FHIT: variants seen among roughly 807,000 people sequenced by gnomAD.
The protein encoded by FHIT is bis(5'-adenosyl)-triphosphatase.
A neutral mutation model predicts 17.9 loss-of-function variants in FHIT; 19 were observed. The ratio of observed to expected loss-of-function variants is 1.06; its 90% CI spans 0.74 to 1.56. The LOEUF (loss-of-function observed/expected upper bound fraction) is 1.56. Among genes scored for constraint, FHIT ranks in the 40% most tolerant of loss-of-function variants. FHIT has a pLI of 0.00. For missense variants in FHIT, 248 were observed against 189.2 expected (o/e 1.31, Z -1.82); for synonymous variants, 81 against 69.7 (o/e 1.16, Z -0.81).
chr3:60,385,930 C>T (rs1040408340), intron 5 of FHIT, among the ~76,000 whole-genome samples: 5 of 152,040 alleles, frequency 3.3e-5, no homozygotes, highest in Non-Finnish European at 7.4e-5. Context: ...CCTGGGGAAT[C>T]GATGTCAAAA....
At chr3:59,947,300 G>C (rs780534298) in intron 7 of FHIT, among the ~76,000 whole-genome samples, 1 of 152,168 alleles carries the variant, frequency 6.6e-6, no homozygotes, top group Non-Finnish European at 1.5e-5. Flanking sequence ...TGTGTGCATA[G>C]AAGTAGTAGT....
chr3:60,484,761 C>T (rs1813833), intron 5 of FHIT, among the ~76,000 whole-genome samples: 11,715 of 152,114 alleles, frequency 0.077, 622 homozygotes, highest in African/African-American at 0.15. Flanking sequence ...GACTTCATGA[C>T]GAAAATGCCA....
chr3:60,745,746 C>T (rs2042343672), intron 4 of FHIT, among the ~76,000 whole-genome samples: 1 of 152,076 alleles, frequency 6.6e-6, no homozygotes, highest in African/African-American at 2.4e-5. Context: ...CCCAATATAC[C>T]AGAGTCATCC....
chr3:60,036,298 CT>C (rs1343838746), intron 5 of FHIT, among the ~76,000 whole-genome samples: 1 of 152,182 alleles, frequency 6.6e-6, no homozygotes, highest in Non-Finnish European at 1.5e-5. Context: ...AACCACAGTC[CT>C]TCCTGCTAAA....
chr3:60,609,124 A>T (rs2038701060), intron 4 of FHIT, among the ~76,000 whole-genome samples: 1 of 151,474 alleles, frequency 6.6e-6, no homozygotes, highest in Non-Finnish European at 1.5e-5. Context: ...CACTTTGGGG[A>T]TTGATGCATG....
intron 3 of FHIT, among the ~76,000 whole-genome samples, chr3:60,930,368 G>A (rs1264778152): frequency 1.3e-5 from 2 of 152,110 alleles, no homozygotes; most frequent in African/African-American, 4.8e-5. Context: ...TGACAAATGG[G>A]ATCTAATTAA....
chr3:61,177,281 C>A (rs1266036252), intron 2 of FHIT, among the ~76,000 whole-genome samples: 3 of 151,882 alleles, frequency 2.0e-5, no homozygotes, highest in Non-Finnish European at 4.4e-5. Context: ...ATCTTTTCCT[C>A]TTTTTCTTAA....
chr3:60,290,095 A>G (rs930546432), intron 5 of FHIT, among the ~76,000 whole-genome samples: 2 of 152,172 alleles, frequency 1.3e-5, no homozygotes, highest in Admixed American at 6.6e-5. Context: ...TCCAAAGCCA[A>G]CTTTTTAACC....
chr3:60,503,953 T>C (rs1165165139), intron 5 of FHIT, among the ~76,000 whole-genome samples: 6 of 152,204 alleles, frequency 3.9e-5, no homozygotes, highest in African/African-American at 2.4e-5. Context: ...ACATGCAGTA[T>C]TGATTTTAAG....
At chr3:60,644,984 T>A (rs943739593) in intron 4 of FHIT, among the ~76,000 whole-genome samples, 1 of 152,118 alleles carries the variant, frequency 6.6e-6, no homozygotes, top group Non-Finnish European at 1.5e-5. Context: ...ACTTTCTCTT[T>A]TGATAAGCTT....
At chr3:59,778,766 G>C (rs2106869523) in intron 8 of FHIT, among the ~76,000 whole-genome samples, 1 of 152,300 alleles carries the variant, frequency 6.6e-6, no homozygotes, top group East Asian at 1.9e-4. Flanking sequence ...TGAATCATAA[G>C]AACCTTAAGG....
intron 7 of FHIT, among the ~76,000 whole-genome samples, chr3:59,982,985 C>T (rs1183525310): frequency 6.6e-6 from 1 of 151,946 alleles, no homozygotes; most frequent in Non-Finnish European, 1.5e-5. Context: ...GTTGCCCAGG[C>T]TGGAGCACAA....
intron 2 of FHIT, among the ~76,000 whole-genome samples, chr3:61,113,197 A>C (rs1158551071): frequency 1.3e-5 from 2 of 151,710 alleles, no homozygotes; most frequent in African/African-American, 2.4e-5. Flanking sequence ...TTTTGTAGAG[A>C]TGGGGTCTCA....
At chr3:60,586,475 GA>G (rs540798548) in intron 4 of FHIT, among the ~76,000 whole-genome samples, 143 of 152,168 alleles carry the variant, frequency 9.4e-4, no homozygotes, top group African/African-American at 3.3e-3. Context: ...ATTCAACCCA[GA>G]AATCCCCTTA....
intron 5 of FHIT, among the ~76,000 whole-genome samples, chr3:60,514,563 T>A (rs748722565): frequency 5.3e-5 from 8 of 151,992 alleles, no homozygotes; most frequent in Non-Finnish European, 8.8e-5. Context: ...AGGTGACGGG[T>A]TGGTAGATGC....
intron 8 of FHIT, among the ~76,000 whole-genome samples, chr3:59,894,494 A>T (rs1019940671): frequency 1.3e-5 from 2 of 152,050 alleles, no homozygotes; most frequent in African/African-American, 4.8e-5. Context: ...TCTTTTGCCC[A>T]TCAGGCTATC....
intron 5 of FHIT, among the ~76,000 whole-genome samples, chr3:60,529,967 G>A (rs2035714393): frequency 6.6e-6 from 1 of 151,982 alleles, no homozygotes; most frequent in Admixed American, 6.6e-5. Flanking sequence ...TTGCAAAAGT[G>A]ACTCTACAGC....
At chr3:60,378,232 A>G (rs1018853038) in intron 5 of FHIT, among the ~76,000 whole-genome samples, 1 of 151,022 alleles carries the variant, frequency 6.6e-6, no homozygotes, top group Non-Finnish European at 1.5e-5. Context: ...TTCACCATTC[A>G]CAGGATGATC....
intron 8 of FHIT, among the ~76,000 whole-genome samples, chr3:59,779,912 G>A (rs981725579): frequency 2.0e-5 from 3 of 152,192 alleles, no homozygotes; most frequent in East Asian, 1.9e-4. Context: ...ATGACCACAC[G>A]GACACACAGG....
Sources: allele counts gnomAD v4.1 joint callset (sites outside exome capture counted in the v4.1 genomes callset), GRCh38; gene constraint gnomAD v4.1.1; transcripts MANE v1.5; gene names NCBI Gene and HGNC (gene_info 2026-07-23, HGNC 2026-07-21).